CNTNAP4: variants seen among roughly 807,000 people sequenced by gnomAD.
CNTNAP4 encodes the protein contactin associated protein family member 4.
In CNTNAP4, 98 loss-of-function variants were observed where a neutral mutation model predicts 148.4. The ratio of observed to expected loss-of-function variants is 0.66; its 90% CI spans 0.56 to 0.78. CNTNAP4 has a LOEUF of 0.78. Among genes scored for constraint, CNTNAP4 ranks in the 30% least tolerant of loss-of-function variants. The pLI is 0.00. For missense variants in CNTNAP4, 1,935 were observed against 1,565.6 expected, an observed-to-expected ratio of 1.24 and a Z score of -3.98; for synonymous variants, 730 against 565.1, an observed-to-expected ratio of 1.29 and a Z score of -4.14.
At chr16:76,364,106 G>A (rs978332960) in intron 3 of CNTNAP4, among the ~76,000 whole-genome samples, 8 of 151,716 alleles carry the variant, frequency 5.3e-5, no homozygotes, top group African/African-American at 1.9e-4. Context: ...GCATGGTGGT[G>A]CACACCTGTA....
chr16:76,538,086 T>A, intron 18 of CNTNAP4, 30 bp from the exon 19 acceptor site: 1 of 1,026,304 alleles, frequency 9.7e-7, no homozygotes, highest in Non-Finnish European at 1.3e-6. Flanking sequence ...TTAAAATTTT[T>A]AACAAAAATA....
At chr16:76,383,553 G>C (rs755598668) in intron 3 of CNTNAP4, among the ~76,000 whole-genome samples, 1 of 151,934 alleles carries the variant, frequency 6.6e-6, no homozygotes, top group Admixed American at 6.6e-5. Context: ...AACAGCAATC[G>C]AATGCAACAC....
Position 76,426,305 on chromosome 16 carries a change from G to C in CNTNAP4, c.391-1147G>C, listed in dbSNP as rs529800604. 5.3e-5 allele frequency among the ~76,000 whole-genome samples: 8 copies of C among 152,254 alleles called. No individual in the cohort carries two copies. The South Asian group carries it at 1.7e-3, about 32-fold the overall frequency. On this transcript the variant is annotated intron_variant, in intron 3 of 23. Transcript: ENST00000611870. ...CAGATGATCAGATACCCTGGGTATT[G>C]GTGTTTCTAATGTATTTATCTTTGC... is the stretch of plus-strand genomic sequence containing the variant.
chr16:76,470,482 A>ATATATATAC (rs146482811), intron 10 of CNTNAP4, among the ~76,000 whole-genome samples: 1 of 96,972 alleles, frequency 1.0e-5, no homozygotes, highest in African/African-American at 4.7e-5. Flanking sequence ...CTCTACTAAT[A>ATATATATAC]ATATATATAT....
At chr16:76,473,010 G>T (rs1253686416) in intron 10 of CNTNAP4, among the ~76,000 whole-genome samples, 1 of 152,022 alleles carries the variant, frequency 6.6e-6, no homozygotes, top group African/African-American at 2.4e-5. Context: ...GGGCAGAGGG[G>T]GGAAGCCTTC....
At chr16:76,450,682 T>C (rs1416075656) in intron 7 of CNTNAP4, among the ~76,000 whole-genome samples, 3 of 152,230 alleles carry the variant, frequency 2.0e-5, no homozygotes, top group Non-Finnish European at 4.4e-5. Context: ...ATACAGGTTG[T>C]GTTACAATAT....
intron 15 of CNTNAP4, among the ~76,000 whole-genome samples, chr16:76,516,185 A>G (rs1425857939): frequency 2.0e-5 from 3 of 150,542 alleles, no homozygotes; most frequent in Non-Finnish European, 4.4e-5. Flanking sequence ...AAGTGATAAC[A>G]TGTGGTGTTT....
chr16:76,461,989 T>A lies in CNTNAP4; in HGVS notation c.1367T>A (p.Val456Asp). The A allele has an allele frequency of 6.2e-7, 1 of 1,613,874 alleles. No individual in the cohort carries two copies. Among genetic ancestry groups the A allele is most frequent in the Non-Finnish European group, 8.5e-7 (1 of 1,179,792 alleles). Reference protein sequence around the residue: ...VELNDGQWHSVSLSAKKNHLS... With the variant: ...VELNDGQWHSDSLSAKKNHLS... The stretch of plus-strand genomic sequence containing the variant: ...TTAAATGATGGGCAGTGGCATTCTG[T>A]CTCTTTATCTGCTAAAAAGAATCAC... The change falls in exon 9 of 24, where the codon GTC becomes GAC. Residue 456 changes from valine (V) to aspartate (D), a missense_variant. By Grantham distance (152) the Val-to-Asp change is radical. Transcript: ENST00000611870.
At chr16:76,314,420 T>A (rs1961480592) in intron 1 of CNTNAP4, among the ~76,000 whole-genome samples, 1 of 152,208 alleles carries the variant, frequency 6.6e-6, no homozygotes, top group Admixed American at 6.5e-5. Context: ...AATAATGCGG[T>A]CACCCTTGGT....
intron 2 of CNTNAP4, among the ~76,000 whole-genome samples, chr16:76,325,243 T>A (rs1962848343): frequency 6.6e-6 from 1 of 152,138 alleles, no homozygotes; most frequent in Non-Finnish European, 1.5e-5. Flanking sequence ...AAAATAAAGA[T>A]TTGAACAAAA....
At chr16:76,513,756 G>T (rs2083123199) in intron 15 of CNTNAP4, among the ~76,000 whole-genome samples, 1 of 152,126 alleles carries the variant, frequency 6.6e-6, no homozygotes, top group Non-Finnish European at 1.5e-5. Context: ...TCTACTTACT[G>T]TTAATTGCCG....
chr16:76,367,580 T>C (rs188082121), intron 3 of CNTNAP4, among the ~76,000 whole-genome samples: 38 of 152,314 alleles, frequency 2.5e-4, no homozygotes, highest in Non-Finnish European at 7.3e-5. Context: ...ACTGACTGAA[T>C]AGGCTTCATT....
chr16:76,525,417 C>T (rs1350811013), intron 17 of CNTNAP4, among the ~76,000 whole-genome samples: 3 of 148,768 alleles, frequency 2.0e-5, no homozygotes, highest in Admixed American at 6.7e-5. Flanking sequence ...TCTGTCTATC[C>T]ATCTATCTAG....
chr16:76,320,765 T>C (rs542750303), intron 2 of CNTNAP4, among the ~76,000 whole-genome samples: 2 of 152,274 alleles, frequency 1.3e-5, no homozygotes, highest in Admixed American at 6.5e-5. Context: ...ACCACATCTT[T>C]TATAGTGTTA....
intron 12 of CNTNAP4, among the ~76,000 whole-genome samples, chr16:76,486,384 T>G (rs1196472014): frequency 6.6e-6 from 1 of 152,074 alleles, no homozygotes; most frequent in Non-Finnish European, 1.5e-5. Flanking sequence ...AAAGAAAAGA[T>G]GTATCTACAC....
At chr16:76,403,640 A>G (rs188421633) in intron 3 of CNTNAP4, among the ~76,000 whole-genome samples, 17 of 152,348 alleles carry the variant, frequency 1.1e-4, no homozygotes, top group Admixed American at 5.2e-4. Flanking sequence ...CAGTATGGCA[A>G]TTCCTCAAAG....
intron 3 of CNTNAP4, among the ~76,000 whole-genome samples, chr16:76,416,599 A>T (rs1324872183): frequency 6.6e-6 from 1 of 151,414 alleles, no homozygotes; most frequent in African/African-American, 2.4e-5. Context: ...ATGACCTGAG[A>T]GCATACATTG....
intron 3 of CNTNAP4, among the ~76,000 whole-genome samples, chr16:76,361,156 C>G (rs969894688): frequency 6.6e-6 from 1 of 152,024 alleles, no homozygotes; most frequent in Non-Finnish European, 1.5e-5. Context: ...AAAAACTTAA[C>G]ATGAAATCTA....
At chr16:76,403,357 G>T (rs4505371) in intron 3 of CNTNAP4, among the ~76,000 whole-genome samples, 75,622 of 151,798 alleles carry the variant, frequency 0.5, 20,587 homozygotes, top group African/African-American at 0.73. Context: ...CCTCCCAAAG[G>T]GCTGGGATTA....
Sources: gnomAD v4.1 joint callset for allele counts (sites outside exome capture counted in the v4.1 genomes callset) on GRCh38, gnomAD v4.1.1 for gene constraint, MANE v1.5 for transcripts, NCBI Gene and HGNC (gene_info 2026-07-23, HGNC 2026-07-21) for gene names.